The following COP1 variants were observed in gnomAD, a reference collection of about 807,000 sequenced individuals.
The protein encoded by COP1 is COP1 E3 ubiquitin ligase, also known as E3 ubiquitin-protein ligase COP1.
COP1 carries 24 observed loss-of-function variants against 101.3 expected under a neutral mutation model. That is an observed-to-expected ratio of 0.24 (90% CI 0.17 to 0.33). COP1 has a LOEUF of 0.33. Among genes scored for constraint, COP1 ranks in the 10% least tolerant of loss-of-function variants. COP1 has a pLI of 1.00. For missense variants in COP1, 663 were observed against 906.2 expected, an observed-to-expected ratio of 0.73 and a Z score of 3.45; for synonymous variants, 347 against 341.9, an observed-to-expected ratio of 1.01 and a Z score of -0.17.
intron 9 of COP1, among the ~76,000 whole-genome samples, chr1:176,103,550 CT>C (rs1370097425): frequency 6.6e-6 from 1 of 152,204 alleles, no homozygotes; most frequent in African/African-American, 2.4e-5. Flanking sequence ...CTGAGCACCC[CT>C]AATCTGAAAA....
chr1:175,979,040 T>C (rs1200122847), intron 18 of COP1, among the ~76,000 whole-genome samples: 1 of 152,164 alleles, frequency 6.6e-6, no homozygotes, highest in Admixed American at 6.5e-5. Context: ...TAGCAGATGC[T>C]TAAGAACCAT....
intron 2 of COP1, among the ~76,000 whole-genome samples, chr1:176,177,177 C>CA (rs1366239974): frequency 2.0e-5 from 3 of 151,778 alleles, no homozygotes; most frequent in African/African-American, 7.3e-5. Context: ...ATAAACTACT[C>CA]ATAGTTATTG....
chr1:176,101,328 T>A (rs1683373514), intron 9 of COP1, among the ~76,000 whole-genome samples: 1 of 152,106 alleles, frequency 6.6e-6, no homozygotes. Context: ...ACCGTGCTCC[T>A]CTCTTTCTAG....
intron 18 of COP1, among the ~76,000 whole-genome samples, chr1:175,984,750 C>T (rs1240183580): frequency 6.6e-6 from 1 of 152,230 alleles, no homozygotes; most frequent in Non-Finnish European, 1.5e-5. Flanking sequence ...GAACCCACCT[C>T]TTGCATCAGT....
intron 9 of COP1, among the ~76,000 whole-genome samples, chr1:176,101,624 T>G (rs1448279197): frequency 6.6e-6 from 1 of 152,214 alleles, no homozygotes; most frequent in Non-Finnish European, 1.5e-5. Context: ...GTTTTACTAG[T>G]CGGGCTTCTG....
intron 15 of COP1, among the ~76,000 whole-genome samples, chr1:175,991,798 A>G (rs1045965566): frequency 1.1e-4 from 17 of 152,196 alleles, no homozygotes; most frequent in Admixed American, 7.9e-4. Context: ...AGGATAATCA[A>G]TATCACTGTT....
chr1:176,059,482 TTTTC>T (rs950680416), intron 11 of COP1, among the ~76,000 whole-genome samples: 4 of 152,072 alleles, frequency 2.6e-5, no homozygotes, highest in Non-Finnish European at 4.4e-5. Context: ...GCAAAATCTT[TTTTC>T]TTTCTTTTTT....
At chr1:175,947,301 A>C in intron 18 of COP1, 62 bp from the exon 19 acceptor site, 1 of 1,073,246 alleles carries the variant, frequency 9.3e-7, no homozygotes, top group Non-Finnish European at 1.4e-6. Context: ...AATCCAAGAG[A>C]TAATTTCCTC....
chr1:176,018,457 G>C (rs1420655887), intron 15 of COP1: 1 of 152,068 alleles, frequency 6.6e-6, no homozygotes, highest in Non-Finnish European at 1.5e-5. Context: ...GAAACCCTAT[G>C]ATATAAAACA....
chr1:176,102,334 C>T (rs1046800122), intron 9 of COP1, among the ~76,000 whole-genome samples: 3 of 152,166 alleles, frequency 2.0e-5, no homozygotes, highest in Non-Finnish European at 2.9e-5. Flanking sequence ...CTTTCCCATT[C>T]GTGTGACAAG....
At chr1:176,121,858 TA>T (rs375642145) in intron 8 of COP1, among the ~76,000 whole-genome samples, 11 of 147,928 alleles carry the variant, frequency 7.4e-5, no homozygotes, top group Admixed American at 2.0e-4. Context: ...AGTGTGGCCT[TA>T]AAAAAAAAAG....
intron 18 of COP1, among the ~76,000 whole-genome samples, chr1:175,963,535 A>G (rs1379161596): frequency 6.6e-6 from 1 of 152,066 alleles, no homozygotes; most frequent in Non-Finnish European, 1.5e-5. Flanking sequence ...CGTCAATTTC[A>G]CTTTTAAAGG....
At chr1:176,170,156 C>T (rs1186385006) in intron 3 of COP1, among the ~76,000 whole-genome samples, 2 of 152,240 alleles carry the variant, frequency 1.3e-5, no homozygotes, top group African/African-American at 2.4e-5. Context: ...ACTCCCTCTA[C>T]TGAAGTCTTG....
chr1:175,963,097 T>G (rs1651579748), intron 18 of COP1, among the ~76,000 whole-genome samples: 1 of 152,090 alleles, frequency 6.6e-6, no homozygotes, highest in Non-Finnish European at 1.5e-5. Context: ...CCCTGAATAA[T>G]TAAATTATTT....
At chr1:176,004,010 A>G (rs1169418457) in intron 15 of COP1, among the ~76,000 whole-genome samples, 39 of 147,270 alleles carry the variant, frequency 2.6e-4, no homozygotes, top group African/African-American at 9.4e-4. Flanking sequence ...ATTTGTTTGT[A>G]TCCTCTTTTA....
chr1:176,005,602 G>A (rs1373571021), intron 15 of COP1, among the ~76,000 whole-genome samples: 17 of 151,224 alleles, frequency 1.1e-4, no homozygotes, highest in South Asian at 4.1e-4. Flanking sequence ...CCTTCATTTC[G>A]TTATGTACCC....
chr1:175,959,253 A>G (rs1472862266), intron 18 of COP1, among the ~76,000 whole-genome samples: 1 of 152,076 alleles, frequency 6.6e-6, no homozygotes, highest in Non-Finnish European at 1.5e-5. Context: ...AATATACTTT[A>G]GCATTCATTT....
chr1:175,997,877 G>C lies in COP1; in HGVS notation c.1730-8398C>G, dbSNP rs571246229. Among the ~76,000 whole-genome samples the C allele has an allele frequency of 1.7e-3, 251 of 152,040 alleles. 1 individual carries two copies. Among genetic ancestry groups the C allele is most frequent in the African/African-American group, 5.8e-3 (240 of 41,460 alleles). ...GGATCTAGAACTAGAAATACCATTT[G>C]ACCCAGCCATCCCATTACTGGGTAT... On this transcript the variant is annotated intron_variant, in intron 15 of 19. Coordinates refer to ENST00000367669, the MANE Select transcript of COP1 (RefSeq NM_022457.7).
At chr1:175,991,282 A>G (rs12145452) in intron 15 of COP1, among the ~76,000 whole-genome samples, 10,328 of 152,236 alleles carry the variant, frequency 0.068, 455 homozygotes, top group Non-Finnish European at 0.087. Flanking sequence ...CTACAAACCT[A>G]TGTATCATGT....
Sources: allele counts gnomAD v4.1 joint callset (sites outside exome capture counted in the v4.1 genomes callset), GRCh38; gene constraint gnomAD v4.1.1; transcripts MANE v1.5; gene names NCBI Gene and HGNC (gene_info 2026-07-23, HGNC 2026-07-21).